The following RORA variants were observed in gnomAD, a reference collection of about 807,000 sequenced individuals.
RORA encodes the protein nuclear receptor ROR-alpha.
A neutral mutation model predicts 69.5 loss-of-function variants in RORA; 7 were observed. The ratio of observed to expected loss-of-function variants is 0.10; its 90% CI spans 0.06 to 0.19. RORA has a LOEUF of 0.19. Ranked by LOEUF, RORA falls within the 10% of genes least tolerant of loss-of-function variation. The pLI is 1.00. For synonymous variants in RORA, 261 were observed against 240.8 expected (o/e 1.08, Z -0.78); for missense variants, 457 against 663.0 (o/e 0.69, Z 3.41).
intron 1 of RORA, among the ~76,000 whole-genome samples, chr15:61,039,365 T>C (rs1035540114): frequency 1.3e-5 from 2 of 152,080 alleles, no homozygotes; most frequent in Non-Finnish European, 2.9e-5. Flanking sequence ...ATCTGAAAGG[T>C]GTCTGGTTTC....
chr15:60,564,979 C>T (rs970608657), intron 2 of RORA, among the ~76,000 whole-genome samples: 5 of 152,132 alleles, frequency 3.3e-5, no homozygotes, highest in African/African-American at 1.2e-4. Flanking sequence ...CAGTGACCCC[C>T]TTGTGAGCTC....
At chr15:61,058,761 A>G (rs2078130434) in intron 1 of RORA, among the ~76,000 whole-genome samples, 1 of 152,200 alleles carries the variant, frequency 6.6e-6, no homozygotes, top group African/African-American at 2.4e-5. Context: ...ACACTGTATC[A>G]TAACGTGGCA....
intron 2 of RORA, among the ~76,000 whole-genome samples, chr15:60,647,470 A>G (rs536488425): frequency 6.6e-6 from 1 of 152,336 alleles, no homozygotes; most frequent in Non-Finnish European, 1.5e-5. Flanking sequence ...TCACTGCCAG[A>G]GCCTGCAGCT....
In RORA at chr15:60,493,949, T is replaced by TCACACACACACACACACACA. The variant is rs71122860; in HGVS notation, c.*3486_*3505dup. Reference sequence around the variant, plus strand: ...CGCACACACATCATACACATGCAAATCACACACACACACACACACACACAC... The same window carrying TCACACACACACACACACACA: ...CGCACACACATCATACACATGCAAATCACACACACACACACACACACACACACACACACACACACACACAC... On this transcript the variant is annotated 3_prime_UTR_variant, in exon 11 of 11. Coordinates refer to ENST00000335670, the MANE Select transcript of RORA (RefSeq NM_134261.3). 15 of 143,964 alleles carry TCACACACACACACACACACA rather than the reference T, an allele frequency of 1.0e-4. No individual in the cohort carries two copies. Among genetic ancestry groups the TCACACACACACACACACACA allele is most frequent in the Non-Finnish European group, 2.1e-4 (14 of 66,094 alleles). The allele number at this position is 143,964 out of a possible 1,614,324, so 8.9% of individuals were successfully genotyped here. A position where few individuals can be genotyped will look rare whatever the true frequency, so the allele number is the denominator to read the frequency against.
At chr15:60,557,100 CT>C (rs1462509185) in intron 2 of RORA, among the ~76,000 whole-genome samples, 1 of 152,188 alleles carries the variant, frequency 6.6e-6, no homozygotes, top group Admixed American at 6.5e-5. Flanking sequence ...CTGGATGTGT[CT>C]TTTTCTCCTT....
intron 1 of RORA, among the ~76,000 whole-genome samples, chr15:61,029,629 A>T (rs758804371): frequency 6.6e-6 from 1 of 152,220 alleles, no homozygotes; most frequent in Non-Finnish European, 1.5e-5. Context: ...TGAAGAGATT[A>T]GAAAGATGTG....
At chr15:60,881,614 AAGAG>A (rs10549221) in intron 1 of RORA, among the ~76,000 whole-genome samples, 28 of 150,962 alleles carry the variant, frequency 1.9e-4, no homozygotes, top group South Asian at 4.2e-4. Flanking sequence ...AAAAAACAAG[AAGAG>A]AGAGAGAGAG....
chr15:60,628,356 T>A (rs948967589), intron 2 of RORA, among the ~76,000 whole-genome samples: 2 of 152,132 alleles, frequency 1.3e-5, no homozygotes, highest in African/African-American at 4.8e-5. Flanking sequence ...AGACTGGGGT[T>A]TGTTTATTTT....
In RORA at chr15:60,702,983, G is replaced by A. The variant is rs72748793; in HGVS notation, c.167-24297C>T. 3.2e-3 allele frequency among the ~76,000 whole-genome samples: 494 copies of A among 152,222 alleles called. 1 individual carries two copies. The highest frequency in any genetic ancestry group is 5.7e-3 in the Non-Finnish European group (389 of 68,018). ...AGCCTTTCTCACAATGAGATGTTCC[G>A]AGTTTAGGAGCCTTGCTATTTTCAA... On this transcript the variant is annotated intron_variant, in intron 1 of 10. Transcript: ENST00000335670.
chr15:60,770,836 G>T (rs191942034), intron 1 of RORA, among the ~76,000 whole-genome samples: 145 of 152,264 alleles, frequency 9.5e-4, no homozygotes, highest in African/African-American at 3.3e-3. Flanking sequence ...TTTTGGAAGA[G>T]ATTTAATTTC....
chr15:60,534,168 G>A lies in RORA; in HGVS notation c.197-2317C>T, dbSNP rs140315164. ...AAGTGAAGCAACGATGTTTAAGGCT[G>A]TGACCAAGATGCCTGCCTGGCACGG... On this transcript the variant is annotated intron_variant, in intron 2 of 10. Coordinates refer to ENST00000335670, the MANE Select transcript of RORA (RefSeq NM_134261.3). This position sits in a 1 kb window ranked among gnomAD's most constrained non-coding sequence, Gnocchi z 5.0. Among the ~76,000 whole-genome samples the A allele has an allele frequency of 6.6e-6, 1 of 152,342 alleles. No individual in the cohort carries two copies. The highest frequency in any genetic ancestry group is 2.4e-5 in the African/African-American group (1 of 41,588).
At position 60,559,244 on chromosome 15, in the gene RORA, T is replaced by A. The variant is rs531006020; in HGVS notation, c.197-27393A>T. On this transcript the variant is annotated intron_variant, in intron 2 of 10. Transcript: ENST00000335670. The stretch of plus-strand genomic sequence containing the variant: ...GGCCTTCTAAGATTTATATGACATT[T>A]TGCCCCAACACTAAATGGCCCTGGT... Among the ~76,000 whole-genome samples the A allele has an allele frequency of 2.0e-5, 3 of 152,344 alleles. No individual in the cohort carries two copies. The South Asian group carries it at 6.2e-4, about 32-fold the overall frequency.
intron 1 of RORA, among the ~76,000 whole-genome samples, chr15:61,100,086 A>C (rs1657850293): frequency 1.3e-5 from 2 of 150,664 alleles, no homozygotes; most frequent in African/African-American, 2.4e-5. Flanking sequence ...CTCCCCACCA[A>C]CATCTGGGAA....
chr15:60,570,426 C>T (rs1442730021), intron 2 of RORA, among the ~76,000 whole-genome samples: 1 of 152,058 alleles, frequency 6.6e-6, no homozygotes, highest in Admixed American at 6.6e-5. Flanking sequence ...ACTTCCCCAG[C>T]CTCGGGTTAT....
intron 1 of RORA, among the ~76,000 whole-genome samples, chr15:61,003,884 C>T (rs1279344530): frequency 1.3e-5 from 2 of 152,022 alleles, no homozygotes; most frequent in African/African-American, 4.8e-5. Context: ...GGATCTGGAA[C>T]AGGGAGAACG....
chr15:61,229,069 A>G lies in RORA; in HGVS notation c.150T>C (p.Tyr50=). 3.3e-6 allele frequency: 5 copies of G among 1,532,846 alleles called. No individual in the cohort carries two copies. Among genetic ancestry groups the G allele is most frequent in the Non-Finnish European group, 4.4e-6 (5 of 1,140,006 alleles). The allele number at this position is 1,532,846 out of a possible 1,614,324, so 95.0% of individuals were successfully genotyped here. ...EPPAPVRRQS[Y]SSTSRGISVT... is the part of the protein sequence containing the mutation. ...GCCTCCTACCTCTGCTGGTGCTGGA[A>G]TAGCTCTGTCTGCGCACCGGGGCAG... is the stretch of plus-strand genomic sequence containing the variant. The change falls in exon 1 of 11, where the codon TAT becomes TAC. Residue 50 remains tyrosine (Y), a synonymous_variant. Coordinates refer to ENST00000335670, the MANE Select transcript of RORA (RefSeq NM_134261.3).
At chr15:60,515,435 C>T (rs1024727367) in intron 3 of RORA, among the ~76,000 whole-genome samples, 4 of 151,996 alleles carry the variant, frequency 2.6e-5, no homozygotes, top group Non-Finnish European at 5.9e-5. Flanking sequence ...CATCAAGTTC[C>T]TCTCGTGTCA....
chr15:60,766,684 T>C (rs947466927), intron 1 of RORA, among the ~76,000 whole-genome samples: 15 of 139,962 alleles, frequency 1.1e-4, no homozygotes, highest in Admixed American at 2.2e-4. Context: ...TTTTTTTTTT[T>C]CCCAAGGATC....
intron 1 of RORA, among the ~76,000 whole-genome samples, chr15:60,980,066 T>C (rs957669894): frequency 6.6e-6 from 1 of 152,204 alleles, no homozygotes; most frequent in Non-Finnish European, 1.5e-5. Context: ...ATTTCTAGTT[T>C]GTTGAAAGTT....
Sources: gnomAD v4.1 joint callset for allele counts (sites outside exome capture counted in the v4.1 genomes callset) on GRCh38, gnomAD v4.1.1 for gene constraint, Gnocchi (gnomAD v3.1) non-coding constraint, MANE v1.5 for transcripts, NCBI Gene and HGNC (gene_info 2026-07-23, HGNC 2026-07-21) for gene names.